Variants in ATF7IP2 observed in about 807,000 individuals in gnomAD.
ATF7IP2 encodes activating transcription factor 7-interacting protein 2.
ATF7IP2 carries 42 observed loss-of-function variants against 64.2 expected under a neutral mutation model. The ratio of observed to expected loss-of-function variants is 0.65; its 90% CI spans 0.51 to 0.85. The LOEUF is 0.85. ATF7IP2 is among the 40% of genes least tolerant of loss of function. The probability of loss-of-function intolerance (pLI) is 0.00; values close to 1 mark genes in which losing one functional copy is unlikely to be tolerated. For missense variants in ATF7IP2, 933 were observed against 784.2 expected (o/e 1.19, Z -2.27); for synonymous variants, 308 against 272.8 (o/e 1.13, Z -1.27).
intron 1 of ATF7IP2, among the ~76,000 whole-genome samples, chr16:10,408,896 G>C (rs2047695850): frequency 6.6e-6 from 1 of 152,102 alleles, no homozygotes; most frequent in Non-Finnish European, 1.5e-5. Context: ...TTGGGTTTTT[G>C]GTCATGAAAT....
chr16:10,470,040 C>T (rs900961301), intron 9 of ATF7IP2, among the ~76,000 whole-genome samples: 2 of 152,072 alleles, frequency 1.3e-5, no homozygotes, highest in East Asian at 1.9e-4. Flanking sequence ...GGAGATTTTT[C>T]AGGCAAAAGG....
chr16:10,467,099 T>A (rs537775465), intron 9 of ATF7IP2, among the ~76,000 whole-genome samples: 1 of 152,154 alleles, frequency 6.6e-6, no homozygotes, highest in South Asian at 2.1e-4. Context: ...GGGAATGATA[T>A]CACAAGGCTT....
chr16:10,453,423 A>T (rs571518965), intron 8 of ATF7IP2, among the ~76,000 whole-genome samples: 1 of 152,162 alleles, frequency 6.6e-6, no homozygotes, highest in African/African-American at 2.4e-5. Context: ...CCACTGTCCA[A>T]CTAGTCCCAA....
intron 9 of ATF7IP2, among the ~76,000 whole-genome samples, chr16:10,460,470 A>G (rs1348108326): frequency 6.6e-6 from 1 of 152,202 alleles, no homozygotes; most frequent in East Asian, 1.9e-4. Flanking sequence ...GGATATTACA[A>G]AGCTACAGTA....
intron 5 of ATF7IP2, 96 bp from the exon 6 acceptor site, chr16:10,433,429 C>A: frequency 8.8e-7 from 1 of 1,137,394 alleles, no homozygotes; most frequent in Non-Finnish European, 1.3e-6. Context: ...CCCTCCTTAG[C>A]CTCCCAGAGT....
chr16:10,467,847 C>A (rs1295660885), intron 9 of ATF7IP2, among the ~76,000 whole-genome samples: 2 of 151,406 alleles, frequency 1.3e-5, no homozygotes, highest in African/African-American at 4.9e-5. Flanking sequence ...GCCATGGCGC[C>A]CAGCCAAAAA....
At position 10,410,813 on chromosome 16, in the gene ATF7IP2, A is replaced by C. The variant is rs577742536; in HGVS notation, c.-241-3761A>C. Among the ~76,000 whole-genome samples the C allele has an allele frequency of 6.3e-4, 96 of 152,108 alleles. 1 individual carries two copies. Among genetic ancestry groups the C allele is most frequent in the African/African-American group, 2.1e-3 (86 of 41,514 alleles). Reference sequence around the variant, plus strand: ...CTTCTTCCTGATTTAAATGTTTTCAACTTTTCCCCATTTAGTATTATGTTG... The same window carrying C: ...CTTCTTCCTGATTTAAATGTTTTCACCTTTTCCCCATTTAGTATTATGTTG... On this transcript the variant is annotated intron_variant, in intron 1 of 13. Coordinates refer to ENST00000562102, the MANE Select transcript of ATF7IP2 (RefSeq NM_001393719.1).
intron 1 of ATF7IP2, among the ~76,000 whole-genome samples, chr16:10,402,619 A>G (rs1161559448): frequency 6.6e-6 from 1 of 152,072 alleles, no homozygotes. Flanking sequence ...ATGTGCCACC[A>G]TGCTTGGCTA....
intron 1 of ATF7IP2, among the ~76,000 whole-genome samples, chr16:10,410,653 G>C (rs1354549301): frequency 6.6e-6 from 1 of 152,168 alleles, no homozygotes; most frequent in Non-Finnish European, 1.5e-5. Flanking sequence ...TGGCTAGGAA[G>C]AGAAGTGGTA....
intron 1 of ATF7IP2, among the ~76,000 whole-genome samples, chr16:10,393,219 A>G (rs1452841629): frequency 2.0e-5 from 3 of 148,340 alleles, no homozygotes; most frequent in Non-Finnish European, 4.4e-5. Flanking sequence ...CTGAGGCAGG[A>G]GAATTGCTTG....
intron 6 of ATF7IP2, among the ~76,000 whole-genome samples, chr16:10,434,258 G>T (rs547001996): frequency 6.6e-6 from 1 of 152,264 alleles, no homozygotes; most frequent in Non-Finnish European, 1.5e-5. Flanking sequence ...TCAATTGTTA[G>T]CTGAAGTGTA....
Position 10,398,801 on chromosome 16 carries a change from T to C in ATF7IP2, c.-242+12679T>C, listed in dbSNP as rs542094530. On this transcript the variant is annotated intron_variant, in intron 1 of 13. Transcript: ENST00000562102. ...TAGATACTGGTCAAAGGATATAGAATTTCATTTAGTGAAATATGTTCAAGA... is the reference window on the plus strand; with the variant it reads ...TAGATACTGGTCAAAGGATATAGAACTTCATTTAGTGAAATATGTTCAAGA... 7.9e-5 allele frequency among the ~76,000 whole-genome samples: 12 copies of C among 152,220 alleles called. No individual in the cohort carries two copies. In the South Asian group the frequency reaches 2.5e-3, roughly 32 times the overall value.
intron 4 of ATF7IP2, among the ~76,000 whole-genome samples, chr16:10,430,389 A>C (rs1003768178): frequency 6.6e-6 from 1 of 152,206 alleles, no homozygotes; most frequent in African/African-American, 2.4e-5. Flanking sequence ...CTAGCAATAC[A>C]GATTTTGAAT....
rs1438898423 is a variant in ATF7IP2, at chr16:10,386,918, C to A, written c.-242+796C>A. On this transcript the variant is annotated intron_variant, in intron 1 of 13. Transcript: ENST00000562102. ...TTAAGGAAACGGACTTTCTACCTTTCCGTGTTTCTGTGTTGAAAATGAAGT... is the reference window on the plus strand; with the variant it reads ...TTAAGGAAACGGACTTTCTACCTTTACGTGTTTCTGTGTTGAAAATGAAGT... The A allele has an allele frequency of 3.3e-5, 5 of 152,148 alleles. No homozygotes were observed. In the East Asian group the frequency reaches 7.7e-4, roughly 23 times the overall value. The allele number at this position is 152,148 out of a possible 1,614,324, so 9.4% of individuals were successfully genotyped here.
chr16:10,445,852 G>T (rs1336935184), intron 8 of ATF7IP2: 1 of 152,170 alleles, frequency 6.6e-6, no homozygotes, highest in Non-Finnish European at 1.5e-5. Context: ...TGTGAACTAG[G>T]TCTTGACCTT....
intron 1 of ATF7IP2, among the ~76,000 whole-genome samples, chr16:10,390,220 A>G (rs1407654098): frequency 6.6e-6 from 1 of 152,174 alleles, no homozygotes; most frequent in East Asian, 1.9e-4. Flanking sequence ...ATGAAGCAGG[A>G]AAAAACCCAA....
chr16:10,411,000 A>G (rs2047748076), intron 1 of ATF7IP2, among the ~76,000 whole-genome samples: 1 of 152,040 alleles, frequency 6.6e-6, no homozygotes, highest in Non-Finnish European at 1.5e-5. Context: ...AATTCTTGTT[A>G]TGTGGTGTAT....
chr16:10,397,900 CAAAAG>C (rs1416688846), intron 1 of ATF7IP2, among the ~76,000 whole-genome samples: 1 of 149,528 alleles, frequency 6.7e-6, no homozygotes, highest in Non-Finnish European at 1.5e-5. Flanking sequence ...AGATGTTTTT[CAAAAG>C]AAGACATACA....
At chr16:10,417,240 A>G (rs947485395) in intron 2 of ATF7IP2, among the ~76,000 whole-genome samples, 19 of 152,300 alleles carry the variant, frequency 1.2e-4, no homozygotes, top group South Asian at 2.1e-4. Context: ...TAATATTAAC[A>G]TGGAACCTGA....
Sources: gnomAD v4.1 joint callset for allele counts (sites outside exome capture counted in the v4.1 genomes callset) on GRCh38, gnomAD v4.1.1 for gene constraint, MANE v1.5 for transcripts, NCBI Gene and HGNC (gene_info 2026-07-23, HGNC 2026-07-21) for gene names.